SRD5A2: variants seen among roughly 807,000 people sequenced by gnomAD.
SRD5A2 encodes the protein steroid 5 alpha-reductase 2.
A neutral mutation model predicts 27.4 loss-of-function variants in SRD5A2; 30 were observed. The observed-to-expected ratio is 1.10, with a 90% CI of 0.82 to 1.49. SRD5A2 has a LOEUF of 1.49. Among genes scored for constraint, SRD5A2 ranks in the 40% most tolerant of loss-of-function variants. SRD5A2 has a pLI of 0.00. For missense variants in SRD5A2, 348 were observed against 323.4 expected (o/e 1.08, Z -0.58); for synonymous variants, 141 against 133.6 (o/e 1.06, Z -0.38).
the SRD5A2 span, among the ~76,000 whole-genome samples, chr2:31,607,892 G>T: frequency 6.6e-6 from 1 of 151,858 alleles, no homozygotes; most frequent in Admixed American, 6.6e-5. Context: ...GCTCATGAGG[G>T]TGGAGCCCTC....
the SRD5A2 span, among the ~76,000 whole-genome samples, chr2:31,623,785 CTAGTT>C: frequency 6.6e-6 from 1 of 152,012 alleles, no homozygotes; most frequent in Non-Finnish European, 1.5e-5. Context: ...CCTTCAATAT[CTAGTT>C]TAGTAAGAGT....
chr2:31,570,547 A>G (rs1010855206), intron 1 of SRD5A2, among the ~76,000 whole-genome samples: 6 of 152,202 alleles, frequency 3.9e-5, no homozygotes, highest in African/African-American at 1.4e-4. Context: ...AAGAGAAAGA[A>G]ATAAAAGGCA....
intron 1 of SRD5A2, among the ~76,000 whole-genome samples, chr2:31,568,340 C>T (rs1037237314): frequency 6.6e-6 from 1 of 152,156 alleles, no homozygotes; most frequent in Non-Finnish European, 1.5e-5. Flanking sequence ...GATTTCTTGT[C>T]CCGTGTCCGG....
chr2:31,642,911 A>G, the SRD5A2 span, among the ~76,000 whole-genome samples: 91 of 152,228 alleles, frequency 6.0e-4, no homozygotes, highest in Non-Finnish European at 1.1e-3. Context: ...ACATTATGCT[A>G]TGTATGCAAA....
upstream of SRD5A2, among the ~76,000 whole-genome samples, chr2:31,582,600 C>T (rs115853452): frequency 1.8e-3 from 272 of 152,258 alleles, no homozygotes; most frequent in African/African-American, 6.3e-3. Context: ...TCAGCTACAA[C>T]CTGCTTGTTG....
the SRD5A2 span, among the ~76,000 whole-genome samples, chr2:31,609,129 T>G: frequency 6.6e-6 from 1 of 152,022 alleles, no homozygotes; most frequent in Admixed American, 6.6e-5. Context: ...GGATTTCCAC[T>G]CTCTAGAATG....
chr2:31,580,364 T>C (rs893349766), intron 1 of SRD5A2, among the ~76,000 whole-genome samples: 3 of 152,166 alleles, frequency 2.0e-5, no homozygotes, highest in Admixed American at 6.5e-5. Flanking sequence ...AGCCAGAGGA[T>C]TTGGAGCTGC....
chr2:31,646,262 G>A, the SRD5A2 span, among the ~76,000 whole-genome samples: 2 of 151,938 alleles, frequency 1.3e-5, no homozygotes, highest in African/African-American at 2.4e-5. Flanking sequence ...TTAAAAAATC[G>A]CCTTCAAGAT....
At chr2:31,594,878 A>T in the SRD5A2 span, among the ~76,000 whole-genome samples, 1 of 152,220 alleles carries the variant, frequency 6.6e-6, no homozygotes, top group Admixed American at 6.5e-5. Flanking sequence ...GCAGTAGAAT[A>T]AAATTGGAAA....
the SRD5A2 span, among the ~76,000 whole-genome samples, chr2:31,639,405 T>C: frequency 1.3e-5 from 2 of 152,110 alleles, no homozygotes; most frequent in Non-Finnish European, 2.9e-5. Context: ...GTATTCTGAG[T>C]GTGTCCATGT....
the SRD5A2 span, among the ~76,000 whole-genome samples, chr2:31,605,792 G>T: frequency 6.6e-6 from 1 of 151,678 alleles, no homozygotes; most frequent in Middle Eastern, 3.4e-3. Context: ...CAATCCCACT[G>T]CTGGGTACAT....
At chr2:31,545,108 A>C (rs1001030830) in intron 1 of SRD5A2, among the ~76,000 whole-genome samples, 2 of 151,968 alleles carry the variant, frequency 1.3e-5, no homozygotes. Context: ...TAACAGTTTC[A>C]CTGGTGAATT....
the SRD5A2 span, among the ~76,000 whole-genome samples, chr2:31,591,925 G>A: frequency 4.6e-5 from 6 of 131,818 alleles, no homozygotes; most frequent in East Asian, 2.4e-4. Context: ...CATCACCCAC[G>A]GCAGCCTGTT....
intron 1 of SRD5A2, among the ~76,000 whole-genome samples, chr2:31,562,382 A>G (rs902747640): frequency 6.6e-6 from 1 of 152,168 alleles, no homozygotes; most frequent in African/African-American, 2.4e-5. Context: ...TTACTGTTAC[A>G]AACAATCCAA....
At chr2:31,617,195 GA>G in the SRD5A2 span, among the ~76,000 whole-genome samples, 1 of 151,732 alleles carries the variant, frequency 6.6e-6, no homozygotes, top group Non-Finnish European at 1.5e-5. Context: ...TCAGCAGCAT[GA>G]AAACAGACTA....
chr2:31,567,561 TC>T (rs1447104652), intron 1 of SRD5A2, among the ~76,000 whole-genome samples: 6 of 151,972 alleles, frequency 3.9e-5, no homozygotes, highest in African/African-American at 1.2e-4. Flanking sequence ...AACAAAAGGT[TC>T]TTCATACCCT....
At chr2:31,546,615 G>T (rs1376641659) in intron 1 of SRD5A2, among the ~76,000 whole-genome samples, 1 of 152,054 alleles carries the variant, frequency 6.6e-6, no homozygotes, top group Non-Finnish European at 1.5e-5. Flanking sequence ...AAGACAAAAA[G>T]AACAGACACT....
intron 1 of SRD5A2, among the ~76,000 whole-genome samples, chr2:31,578,707 T>A (rs1035224149): frequency 6.6e-6 from 1 of 152,184 alleles, no homozygotes; most frequent in Non-Finnish European, 1.5e-5. Context: ...AATCTCCAAG[T>A]CCTTTACTAA....
chr2:31,583,320 C>T (rs1240815185), upstream of SRD5A2, among the ~76,000 whole-genome samples: 1 of 152,190 alleles, frequency 6.6e-6, no homozygotes, highest in Non-Finnish European at 1.5e-5. Context: ...CACACCCTTA[C>T]TTCCTATTTA....
Sources: allele counts gnomAD v4.1 joint callset (sites outside exome capture counted in the v4.1 genomes callset), GRCh38; gene constraint gnomAD v4.1.1; transcripts MANE v1.5; gene names NCBI Gene and HGNC (gene_info 2026-07-23, HGNC 2026-07-21).